The following ROBO1 variants were observed in gnomAD, a reference collection of about 807,000 sequenced individuals.
The protein encoded by ROBO1 is roundabout homolog 1.
In ROBO1, 149 loss-of-function variants were observed where a neutral mutation model predicts 195.9. The ratio of observed to expected loss-of-function variants is 0.76; its 90% CI spans 0.67 to 0.87. ROBO1 has a LOEUF of 0.87. ROBO1 is among the 40% of genes least tolerant of loss of function. The pLI, the probability that ROBO1 is intolerant of heterozygous loss-of-function variation, is 0.00. For missense variants in ROBO1, 1,933 were observed against 2,068.3 expected (o/e 0.93, Z 1.27); for synonymous variants, 816 against 733.2 (o/e 1.11, Z -1.82).
chr3:79,515,857 G>A (rs1186946598), intron 2 of ROBO1, among the ~76,000 whole-genome samples: 4 of 152,032 alleles, frequency 2.6e-5, no homozygotes, highest in Non-Finnish European at 5.9e-5. Flanking sequence ...TGGTTGATGT[G>A]TTCACATATT....
chr3:79,193,319 C>G (rs866169688), intron 2 of ROBO1, among the ~76,000 whole-genome samples: 1 of 151,590 alleles, frequency 6.6e-6, no homozygotes, highest in Non-Finnish European at 1.5e-5. Flanking sequence ...TCAGGACATA[C>G]TTTTCCAATC....
chr3:79,531,402 C>T (rs568888140), intron 2 of ROBO1, among the ~76,000 whole-genome samples: 61 of 152,140 alleles, frequency 4.0e-4, no homozygotes, highest in African/African-American at 1.4e-3. Flanking sequence ...GTGGGTGGAT[C>T]ACTTGAGGTC....
chr3:79,739,141 G>C (rs541809027), intron 1 of ROBO1, among the ~76,000 whole-genome samples: 2 of 152,200 alleles, frequency 1.3e-5, no homozygotes, highest in Admixed American at 6.5e-5. Flanking sequence ...TTGGATTGAG[G>C]CAAGAAAATG....
intron 2 of ROBO1, among the ~76,000 whole-genome samples, chr3:79,370,619 G>A (rs1347579125): frequency 1.3e-5 from 2 of 150,128 alleles, no homozygotes; most frequent in Admixed American, 6.6e-5. Flanking sequence ...TCTTCAACAG[G>A]GTGTTATGAT....
chr3:79,489,130 CAT>C (rs201214470), intron 2 of ROBO1, among the ~76,000 whole-genome samples: 1,698 of 148,700 alleles, frequency 0.011, 28 homozygotes, highest in African/African-American at 0.041. Flanking sequence ...ATATATAAAA[CAT>C]GTGGTAAGAA....
intron 2 of ROBO1, among the ~76,000 whole-genome samples, chr3:79,217,093 T>G (rs1025453771): frequency 7.9e-5 from 12 of 152,130 alleles, no homozygotes; most frequent in Non-Finnish European, 1.8e-4. Context: ...CTGTGAATAG[T>G]CTGATTAACT....
chr3:79,383,840 C>T (rs959950014), intron 2 of ROBO1, among the ~76,000 whole-genome samples: 1 of 152,020 alleles, frequency 6.6e-6, no homozygotes, highest in Non-Finnish European at 1.5e-5. Flanking sequence ...TTCCCTTTAA[C>T]TGTGAACTGA....
chr3:78,927,529 T>C (rs564319044), intron 4 of ROBO1, among the ~76,000 whole-genome samples: 1 of 152,332 alleles, frequency 6.6e-6, no homozygotes, highest in African/African-American at 2.4e-5. Flanking sequence ...TTTTGAATAT[T>C]TTAGAGACTG....
chr3:79,263,513 G>A (rs2082978765), intron 2 of ROBO1, among the ~76,000 whole-genome samples: 2 of 151,992 alleles, frequency 1.3e-5, no homozygotes, highest in African/African-American at 4.8e-5. Context: ...AATTAGCCAA[G>A]GGTGGTGGCA....
At chr3:79,323,208 A>C (rs988858939) in intron 2 of ROBO1, among the ~76,000 whole-genome samples, 3 of 151,918 alleles carry the variant, frequency 2.0e-5, no homozygotes, top group Non-Finnish European at 4.4e-5. Context: ...TAGCCCCCCA[A>C]GTAGCTGGGA....
chr3:79,066,691 TC>T (rs1490666314), intron 3 of ROBO1, among the ~76,000 whole-genome samples: 1 of 151,938 alleles, frequency 6.6e-6, no homozygotes, highest in Non-Finnish European at 1.5e-5. Context: ...TCTTTGTTCT[TC>T]TTTTTACCAT....
intron 1 of ROBO1, among the ~76,000 whole-genome samples, chr3:79,692,131 T>C (rs1441250150): frequency 1.3e-5 from 2 of 151,766 alleles, no homozygotes; most frequent in Non-Finnish European, 2.9e-5. Flanking sequence ...AGAGGAAATA[T>C]TGTTGGCATA....
chr3:78,973,228 GA>G (rs1403705403), intron 3 of ROBO1, among the ~76,000 whole-genome samples: 1 of 151,562 alleles, frequency 6.6e-6, no homozygotes, highest in Non-Finnish European at 1.5e-5. Context: ...TGTCACCATG[GA>G]AAACTTGCTA....
intron 2 of ROBO1, among the ~76,000 whole-genome samples, chr3:79,210,698 CTAAGA>C (rs372866688): frequency 1.3e-5 from 2 of 151,994 alleles, no homozygotes; most frequent in Non-Finnish European, 2.9e-5. Context: ...AACTAGTAAG[CTAAGA>C]TTTTTTTTTT....
intron 27 of ROBO1, among the ~76,000 whole-genome samples, chr3:78,615,641 A>C (rs555102823): frequency 6.6e-6 from 1 of 152,208 alleles, no homozygotes; most frequent in East Asian, 1.9e-4. Context: ...TTTGACTTTC[A>C]CTGTTTTGGT....
At chr3:78,900,937 C>G (rs1028191422) in intron 4 of ROBO1, among the ~76,000 whole-genome samples, 4 of 151,996 alleles carry the variant, frequency 2.6e-5, no homozygotes, top group Non-Finnish European at 4.4e-5. Flanking sequence ...AAATGAAATG[C>G]AACACCTTTA....
intron 4 of ROBO1, among the ~76,000 whole-genome samples, chr3:78,895,550 T>C (rs2037175377): frequency 6.6e-6 from 1 of 152,190 alleles, no homozygotes; most frequent in Non-Finnish European, 1.5e-5. Context: ...AATCACTCCA[T>C]TGCACTAATT....
At chr3:78,617,135 T>C (rs371147080) in intron 27 of ROBO1, among the ~76,000 whole-genome samples, 3 of 152,130 alleles carry the variant, frequency 2.0e-5, no homozygotes, top group African/African-American at 7.2e-5. Flanking sequence ...TAAGGAGAAA[T>C]AGCCCATTTT....
intron 2 of ROBO1, among the ~76,000 whole-genome samples, chr3:79,335,108 C>A (rs1270700152): frequency 2.0e-5 from 3 of 152,016 alleles, no homozygotes; most frequent in African/African-American, 7.2e-5. Flanking sequence ...CAGAGCAAGG[C>A]TCCATAAAAA....
Sources: gnomAD v4.1 joint callset for allele counts (sites outside exome capture counted in the v4.1 genomes callset) on GRCh38, gnomAD v4.1.1 for gene constraint, MANE v1.5 for transcripts, NCBI Gene and HGNC (gene_info 2026-07-23, HGNC 2026-07-21) for gene names.